SLC66A1: variants seen among roughly 807,000 people sequenced by gnomAD.
SLC66A1 encodes the protein solute carrier family 66 member 1, also known as lysosomal amino acid transporter 1 homolog.
Under a neutral mutation model 33.0 loss-of-function variants are expected in SLC66A1, and 23 were observed. The ratio of observed to expected loss-of-function variants is 0.70; its 90% confidence interval spans 0.50 to 0.99. The LOEUF is 0.99. Ranked by LOEUF, SLC66A1 falls within the 50% of genes least tolerant of loss-of-function variation. SLC66A1 has a pLI of 0.00. For missense variants in SLC66A1, 335 were observed against 383.6 expected (o/e 0.87, Z 1.06); for synonymous variants, 164 against 175.5 (o/e 0.93, Z 0.52).
At chr1:19,326,736 G>C (rs1197319754) in intron 6 of SLC66A1, 113 bp downstream of exon 6, 19 of 1,134,096 alleles carry the variant, frequency 1.7e-5, no homozygotes, top group Non-Finnish European at 2.3e-5. Flanking sequence ...CAGAAAGTCT[G>C]GTCTACTCCC....
At chr1:19,331,169 G>A (rs1051595956), downstream of SLC66A1, among the ~76,000 whole-genome samples, 1 of 152,084 alleles carries the variant, frequency 6.6e-6, no homozygotes, top group Non-Finnish European at 1.5e-5. Context: ...CTGCCGCCAC[G>A]CTCAGCTAAT....
downstream of SLC66A1, among the ~76,000 whole-genome samples, chr1:19,330,972 A>G (rs1395404731): frequency 2.0e-5 from 3 of 152,128 alleles, no homozygotes; most frequent in Non-Finnish European, 4.4e-5. Flanking sequence ...CCATCAGTGC[A>G]CGAGATCTCC....
downstream of SLC66A1, among the ~76,000 whole-genome samples, chr1:19,332,400 A>G (rs920809832): frequency 1.3e-5 from 2 of 152,204 alleles, no homozygotes; most frequent in Admixed American, 1.3e-4. Context: ...AGTGCCTGGT[A>G]AATAAACAAT....
rs552876560 is a variant in SLC66A1, at chr1:19,326,189, C to T, written c.383-56C>T. 4.5e-5 allele frequency: 70 copies of T among 1,547,236 alleles called. No individual in the cohort carries two copies. The African/African-American group carries it at 5.5e-4, about 12-fold the overall frequency. ...AAGGCCAGGACTTAGCACCCTCCCC[C>T]GACAACCGCTGCCACTCAGCCATCT... is the stretch of plus-strand genomic sequence containing the variant. On this transcript the variant is annotated intron_variant, in intron 4 of 7. Transcript: ENST00000375153.
chr1:19,328,716 G>T lies in SLC66A1; in HGVS notation c.*73G>T. On this transcript the variant is annotated 3_prime_UTR_variant, in exon 8 of 8. Coordinates refer to ENST00000375153, the MANE Select transcript of SLC66A1 (RefSeq NM_001040125.2). This position sits in a 1 kb window ranked among gnomAD's most constrained non-coding sequence, Gnocchi z 4.7. Reference sequence around the variant, plus strand: ...CCAGGCAGGAGGAGGTGTGGACAGTGATGGTACGGCGGCCCTGCATCAGCC... The same window carrying T: ...CCAGGCAGGAGGAGGTGTGGACAGTTATGGTACGGCGGCCCTGCATCAGCC... The T allele has an allele frequency of 6.6e-7, 1 of 1,522,178 alleles. No homozygotes were observed. Among genetic ancestry groups the T allele is most frequent in the Admixed American group, 1.8e-5 (1 of 56,128 alleles). 94.3% of individuals were successfully genotyped at this position (1,522,178 alleles called of 1,614,324 possible). A position where few individuals can be genotyped will look rare whatever the true frequency, so the allele number is the denominator to read the frequency against.
At chr1:19,327,005 C>T (rs1286041370) in intron 6 of SLC66A1, among the ~76,000 whole-genome samples, 1 of 152,040 alleles carries the variant, frequency 6.6e-6, no homozygotes, top group Non-Finnish European at 1.5e-5. Flanking sequence ...ACAGGCCTGG[C>T]ACAGCCACGG....
intron 6 of SLC66A1, 81 bp downstream of exon 6, chr1:19,326,704 G>A: frequency 7.1e-7 from 1 of 1,412,560 alleles, no homozygotes; most frequent in Non-Finnish European, 1.0e-6. Flanking sequence ...CTAAGGAGTA[G>A]CACAGCATAG....
chr1:19,330,689 G>A (rs2093889985), downstream of SLC66A1, among the ~76,000 whole-genome samples: 1 of 152,182 alleles, frequency 6.6e-6, no homozygotes, highest in African/African-American at 2.4e-5. Context: ...TCCAAGGTGG[G>A]GCTGCTTACA....
At chr1:19,313,185 A>C (rs2093786431) in intron 1 of SLC66A1, 9 of 985,338 alleles carry the variant, frequency 9.1e-6, no homozygotes, top group Non-Finnish European at 1.1e-5. Flanking sequence ...AAGCTCAATC[A>C]CTTGAGTTCC....
chr1:19,328,989 G>T lies in SLC66A1; in HGVS notation c.*346G>T. The T allele has an allele frequency of 5.7e-6, 2 of 348,940 alleles. No homozygotes were observed. The highest frequency in any genetic ancestry group is 1.1e-5 in the Non-Finnish European group (2 of 188,180). 21.6% of individuals were successfully genotyped at this position (348,940 alleles called of 1,614,324 possible). On this transcript the variant is annotated 3_prime_UTR_variant, in exon 8 of 8. Transcript: ENST00000375153. The surrounding 1 kb of genome is among the most constrained non-coding windows in gnomAD (Gnocchi z 4.7). ...CTGAATAAACAGGCCGGGTACAGTG[G>T]CTCGCACCTGTAATCCTAGCACTTT...
chr1:19,333,855 GAC>G (rs2093898150), downstream of SLC66A1, among the ~76,000 whole-genome samples: 1 of 152,062 alleles, frequency 6.6e-6, no homozygotes, highest in Non-Finnish European at 1.5e-5. This position sits in a 1 kb window ranked among gnomAD's most constrained non-coding sequence, Gnocchi z 4.2. Context: ...AGTGAGTCAA[GAC>G]AGCACCACTG....
intron 3 of SLC66A1, among the ~76,000 whole-genome samples, 181 bp from the exon 4 acceptor site, chr1:19,325,314 G>A (rs2093858202): frequency 6.6e-6 from 1 of 152,208 alleles, no homozygotes; most frequent in African/African-American, 2.4e-5. Flanking sequence ...TCGCCCACCT[G>A]TTCTGTCATT....
At chr1:19,331,946 G>A (rs41264085), downstream of SLC66A1, among the ~76,000 whole-genome samples, 1,317 of 152,314 alleles carry the variant, frequency 8.6e-3, 14 homozygotes, top group Non-Finnish European at 0.014. Flanking sequence ...TCCTTCCTCA[G>A]GAGGCCTCCA....
In SLC66A1 at chr1:19,326,523, C is replaced by T. The variant is rs201168639; in HGVS notation, c.526-8C>T. ...ACGAGACACCAAGTGCCCCCTTCTG[C>T]CCCACAGCCCTTCACCCGGCAGGAA... On this transcript the variant is annotated splice_polypyrimidine_tract_variant and splice_region_variant and intron_variant, in intron 5 of 7. Coordinates refer to ENST00000375153, the MANE Select transcript of SLC66A1 (RefSeq NM_001040125.2). The T allele has an allele frequency of 1.2e-6, 2 of 1,614,208 alleles. No homozygotes were observed. The highest frequency in any genetic ancestry group is 2.2e-5 in the East Asian group (1 of 44,886).
intron 1 of SLC66A1, among the ~76,000 whole-genome samples, chr1:19,316,206 T>G (rs859213): frequency 0.33 from 50,223 of 152,096 alleles, 8,384 homozygotes; most frequent in Middle Eastern, 0.37. Flanking sequence ...CTCCCTGCTG[T>G]TAGGCATCCC....
intron 1 of SLC66A1, among the ~76,000 whole-genome samples, chr1:19,315,507 C>T (rs943607151): frequency 2.0e-5 from 3 of 152,214 alleles, no homozygotes; most frequent in Admixed American, 2.0e-4. Flanking sequence ...CCTTTCCCTC[C>T]CGGTGCTCCC....
chr1:19,314,632 T>A (rs2093795531), intron 1 of SLC66A1, among the ~76,000 whole-genome samples: 2 of 152,198 alleles, frequency 1.3e-5, no homozygotes, highest in Admixed American at 6.5e-5. Context: ...GGAGTGAGTG[T>A]CGTTAGCCCC....
Position 19,326,623 on chromosome 1 carries a change from C to A in SLC66A1, c.618C>A (p.Asn206Lys), listed in dbSNP as rs748467022. 1.2e-6 allele frequency: 2 copies of A among 1,613,978 alleles called. No homozygotes were observed. Among genetic ancestry groups the A allele is most frequent in the Middle Eastern group, 1.7e-4 (1 of 6,058 alleles). ...LLSRLPQIRT[N>K]FLRKSTQGIS... The stretch of plus-strand genomic sequence containing the variant: ...CCCGGCTGCCTCAGATCCGCACCAA[C>A]GTGAGCCTCCAGCAGGGGCTGGGTG... The change falls in exon 6 of 8, where the codon AAC becomes AAA. Residue 206 changes from asparagine to lysine, a missense_variant and splice_region_variant. By Grantham distance (94) the Asn-to-Lys change is moderately conservative (BLOSUM62 0). Coordinates refer to ENST00000375153, the MANE Select transcript of SLC66A1 (RefSeq NM_001040125.2).
chr1:19,324,729 C>G lies in SLC66A1; in HGVS notation c.261C>G (p.Ile87Met), dbSNP rs749585649. The G allele has an allele frequency of 1.2e-6, 2 of 1,614,210 alleles. No individual in the cohort carries two copies. Among genetic ancestry groups the G allele is most frequent in the Non-Finnish European group, 1.7e-6 (2 of 1,180,032 alleles). ...GWIGGDSCNL[I>M]GSFLADQLPL... is the part of the protein sequence containing the mutation. ...TTGGCGGAGACTCCTGCAACCTCAT[C>G]GGCTCCTTCCTTGCTGACCAGCTGC... The change falls in exon 3 of 8, where the codon ATC (isoleucine) becomes ATG (methionine). Residue 87 changes from isoleucine (I) to methionine (M), a missense_variant. Coordinates refer to ENST00000375153, the MANE Select transcript of SLC66A1 (RefSeq NM_001040125.2).
Sources: allele counts gnomAD v4.1 joint callset (sites outside exome capture counted in the v4.1 genomes callset), GRCh38; gene constraint gnomAD v4.1.1; non-coding constraint Gnocchi (gnomAD v3.1); transcripts MANE v1.5; gene names NCBI Gene and HGNC (gene_info 2026-07-23, HGNC 2026-07-21).